Variants in SPIDR observed in about 807,000 individuals in gnomAD.
SPIDR encodes the protein DNA repair-scaffolding protein.
In SPIDR, 93 loss-of-function variants were observed where a neutral mutation model predicts 104.6. That is an observed-to-expected ratio of 0.89 (90% confidence interval 0.75 to 1.06). The LOEUF (loss-of-function observed/expected upper bound fraction) is 1.06, where lower values mean the gene tolerates loss of function less well. SPIDR is among the 50% of genes least tolerant of loss of function. The pLI is 0.00. For missense variants in SPIDR, 1,154 were observed against 1,111.2 expected (o/e 1.04, Z -0.55); for synonymous variants, 431 against 416.9 (o/e 1.03, Z -0.41).
chr8:47,668,228 G>C (rs1485185318), intron 10 of SPIDR, among the ~76,000 whole-genome samples: 1 of 152,104 alleles, frequency 6.6e-6, no homozygotes, highest in Non-Finnish European at 1.5e-5. Context: ...AAATGATCTT[G>C]ATACCAAATG....
chr8:47,504,977 G>T (rs1042012591), intron 8 of SPIDR, among the ~76,000 whole-genome samples: 4 of 152,178 alleles, frequency 2.6e-5, no homozygotes, highest in Non-Finnish European at 5.9e-5. Flanking sequence ...GTTGCTGCCT[G>T]ATCGTTTCTC....
At chr8:47,281,700 C>T (rs2037811402) in intron 2 of SPIDR, among the ~76,000 whole-genome samples, 1 of 152,202 alleles carries the variant, frequency 6.6e-6, no homozygotes, top group South Asian at 2.1e-4. Context: ...CTGCTGAAGT[C>T]TTGAACCCCT....
At chr8:47,454,210 A>G (rs1406489071) in intron 8 of SPIDR, among the ~76,000 whole-genome samples, 1 of 152,220 alleles carries the variant, frequency 6.6e-6, no homozygotes, top group Admixed American at 6.5e-5. Context: ...CACAATAGCA[A>G]AGACTTGGAA....
chr8:47,578,050 A>G (rs2059320208), intron 8 of SPIDR, among the ~76,000 whole-genome samples: 1 of 152,236 alleles, frequency 6.6e-6, no homozygotes, highest in Non-Finnish European at 1.5e-5. Flanking sequence ...CAGGGTTGGA[A>G]TGATAACTTA....
intron 8 of SPIDR, among the ~76,000 whole-genome samples, chr8:47,549,934 A>G (rs2090161967): frequency 6.6e-6 from 1 of 152,154 alleles, no homozygotes; most frequent in African/African-American, 2.4e-5. Context: ...TCTTGAATTA[A>G]TTTTTGTATA....
chr8:47,338,816 C>T (rs570132105), intron 5 of SPIDR, among the ~76,000 whole-genome samples: 2 of 152,288 alleles, frequency 1.3e-5, no homozygotes, highest in Admixed American at 6.5e-5. Flanking sequence ...AGGGCTTCCA[C>T]GTATCCTAAG....
chr8:47,730,261 A>G (rs1374720915), intron 19 of SPIDR, among the ~76,000 whole-genome samples: 3 of 152,226 alleles, frequency 2.0e-5, no homozygotes, highest in Non-Finnish European at 2.9e-5. Flanking sequence ...TGATGGGCCA[A>G]AGAGTTTCTG....
chr8:47,730,433 A>G (rs543540651), intron 19 of SPIDR, among the ~76,000 whole-genome samples: 2 of 152,352 alleles, frequency 1.3e-5, no homozygotes, highest in African/African-American at 2.4e-5. Context: ...CACAAGAGAC[A>G]TCTGGAACCA....
At chr8:47,601,755 T>C (rs1046116682) in intron 10 of SPIDR, among the ~76,000 whole-genome samples, 6 of 152,176 alleles carry the variant, frequency 3.9e-5, no homozygotes, top group Non-Finnish European at 8.8e-5. Context: ...TGACCCAGGG[T>C]CAAGTTGTCC....
chr8:47,728,807 A>G (rs2154493858), intron 17 of SPIDR, 126 bp from the exon 18 acceptor site: 2 of 1,125,952 alleles, frequency 1.8e-6, no homozygotes, highest in East Asian at 5.0e-5. Context: ...CAGAAACTTG[A>G]TTCTGAGAGT....
intron 10 of SPIDR, among the ~76,000 whole-genome samples, chr8:47,609,645 A>G (rs2063377811): frequency 6.6e-6 from 1 of 152,118 alleles, no homozygotes; most frequent in South Asian, 2.1e-4. Flanking sequence ...TTATTGATCT[A>G]GTGTTTGGTT....
chr8:47,559,936 A>T (rs2056854846), intron 8 of SPIDR, among the ~76,000 whole-genome samples: 1 of 152,212 alleles, frequency 6.6e-6, no homozygotes, highest in African/African-American at 2.4e-5. Flanking sequence ...AATAACATTA[A>T]CATAATGTTA....
intron 8 of SPIDR, among the ~76,000 whole-genome samples, chr8:47,515,760 A>G (rs1025214638): frequency 2.0e-5 from 3 of 152,220 alleles, no homozygotes; most frequent in Admixed American, 6.5e-5. Flanking sequence ...TTGAGGCAGA[A>G]ATACATTTCC....
intron 10 of SPIDR, among the ~76,000 whole-genome samples, chr8:47,658,024 TG>T (rs1407583011): frequency 1.3e-5 from 1 of 77,212 alleles, no homozygotes; most frequent in Non-Finnish European, 2.3e-5. Flanking sequence ...ATTGAGACCC[TG>T]TCTCAAAAAA....
intron 6 of SPIDR, among the ~76,000 whole-genome samples, chr8:47,397,870 A>G (rs782200442): frequency 1.6e-4 from 25 of 152,142 alleles, no homozygotes; most frequent in Non-Finnish European, 4.4e-5. Flanking sequence ...AGATTTTGAA[A>G]ACAGTGGGGG....
At chr8:47,601,353 T>TG (rs979945277) in intron 10 of SPIDR, among the ~76,000 whole-genome samples, 3 of 152,162 alleles carry the variant, frequency 2.0e-5, no homozygotes, top group African/African-American at 4.8e-5. Context: ...GAAAAATGAA[T>TG]GGGATATAGA....
intron 5 of SPIDR, among the ~76,000 whole-genome samples, chr8:47,346,593 G>A (rs1180077302): frequency 6.6e-6 from 1 of 152,120 alleles, no homozygotes; most frequent in African/African-American, 2.4e-5. Context: ...AATCTGTCTG[G>A]TCCTGGACTT....
Position 47,735,494 on chromosome 8 carries a change from G to T in SPIDR, c.*44G>T. 6.2e-7 allele frequency: 1 copy of T among 1,607,552 alleles called. No individual in the cohort carries two copies. Among genetic ancestry groups the T allele is most frequent in the Non-Finnish European group, 8.5e-7 (1 of 1,176,006 alleles). On this transcript the variant is annotated 3_prime_UTR_variant, in exon 20 of 20. Transcript: ENST00000297423. The stretch of plus-strand genomic sequence containing the variant: ...TGAACTTTGCAATGTGGCTGCAAGG[G>T]TGGTGGTGGTGGTGGTGATTTGGGG...
chr8:47,501,443 TTGTC>T, intron 8 of SPIDR, among the ~76,000 whole-genome samples: 1 of 152,258 alleles, frequency 6.6e-6, no homozygotes, highest in African/African-American at 2.4e-5. Flanking sequence ...GGCTCTCTGT[TTGTC>T]TGTTATTGGT....
Sources: gnomAD v4.1 joint callset for allele counts (sites outside exome capture counted in the v4.1 genomes callset) on GRCh38, gnomAD v4.1.1 for gene constraint, MANE v1.5 for transcripts, NCBI Gene and HGNC (gene_info 2026-07-23, HGNC 2026-07-21) for gene names.